Variants in RNGTT observed in about 807,000 individuals in gnomAD.
The protein encoded by RNGTT is mRNA-capping enzyme.
RNGTT carries 33 observed loss-of-function variants against 79.3 expected under a neutral mutation model. The ratio of observed to expected loss-of-function variants is 0.42; its 90% CI spans 0.32 to 0.56. RNGTT has a LOEUF of 0.56. Ranked by LOEUF, RNGTT falls within the 20% of genes least tolerant of loss-of-function variation. The pLI is 0.17. For missense variants in RNGTT, 497 were observed against 739.1 expected (o/e 0.67, Z 3.80); for synonymous variants, 222 against 235.9 (o/e 0.94, Z 0.54).
intron 2 of RNGTT, 32 bp downstream of exon 2, chr6:88,941,039 A>T: frequency 3.1e-6 from 4 of 1,311,458 alleles, no homozygotes; most frequent in Non-Finnish European, 4.4e-6. Context: ...AAGTATATTA[A>T]ATCAGTGACA....
At chr6:88,769,441 T>G (rs1029818341) in intron 13 of RNGTT, among the ~76,000 whole-genome samples, 1 of 152,268 alleles carries the variant, frequency 6.6e-6, no homozygotes, top group South Asian at 2.1e-4. Context: ...ATTACAGGCA[T>G]GAGCCACCAC....
chr6:88,955,382 C>A (rs1435156892), intron 1 of RNGTT, among the ~76,000 whole-genome samples: 1 of 151,856 alleles, frequency 6.6e-6, no homozygotes, highest in Non-Finnish European at 1.5e-5. Context: ...AATCCTGTCT[C>A]TACTAAAAAT....
chr6:88,663,238 T>C (rs1774256701), intron 14 of RNGTT, among the ~76,000 whole-genome samples: 3 of 152,108 alleles, frequency 2.0e-5, no homozygotes, highest in African/African-American at 7.2e-5. Context: ...GTTAAAGAAT[T>C]TCAAGAAAGG....
intron 13 of RNGTT, among the ~76,000 whole-genome samples, chr6:88,723,462 C>T (rs1461569065): frequency 3.3e-5 from 5 of 152,128 alleles, no homozygotes; most frequent in East Asian, 1.9e-4. Context: ...CTGTGCTGCC[C>T]GTTGCTACTT....
intron 14 of RNGTT, among the ~76,000 whole-genome samples, chr6:88,637,872 T>C (rs777191729): frequency 1.6e-4 from 25 of 152,234 alleles, no homozygotes; most frequent in South Asian, 4.1e-4. Context: ...CACAACTCCA[T>C]ACAATTCAAA....
intron 7 of RNGTT, 97 bp downstream of exon 7, chr6:88,891,709 T>C: frequency 7.3e-6 from 5 of 681,260 alleles, no homozygotes; most frequent in Non-Finnish European, 4.5e-6. Context: ...ATTGCAAACA[T>C]ACTAACTTCA....
intron 11 of RNGTT, among the ~76,000 whole-genome samples, chr6:88,838,670 G>A (rs1781162851): frequency 6.6e-6 from 1 of 152,230 alleles, no homozygotes; most frequent in East Asian, 1.9e-4. Context: ...GCATTGTTAT[G>A]ATGTTAGTTC....
intron 13 of RNGTT, among the ~76,000 whole-genome samples, chr6:88,758,870 T>G (rs1316556767): frequency 3.3e-5 from 5 of 151,578 alleles, no homozygotes; most frequent in Admixed American, 6.6e-5. Flanking sequence ...ATTTTTGCTG[T>G]ATTTTATTTA....
At chr6:88,665,659 C>T (rs1039516204) in intron 14 of RNGTT, among the ~76,000 whole-genome samples, 3 of 152,188 alleles carry the variant, frequency 2.0e-5, no homozygotes, top group Non-Finnish European at 2.9e-5. Flanking sequence ...TGGGAGGATC[C>T]GGGGTCAGGT....
At chr6:88,818,054 C>T (rs940088283) in intron 11 of RNGTT, among the ~76,000 whole-genome samples, 1 of 151,766 alleles carries the variant, frequency 6.6e-6, no homozygotes, top group Non-Finnish European at 1.5e-5. Flanking sequence ...CCACCGCGCC[C>T]GGCCTATTCA....
At chr6:88,826,610 C>T (rs1723037552) in intron 11 of RNGTT, among the ~76,000 whole-genome samples, 1 of 151,240 alleles carries the variant, frequency 6.6e-6, no homozygotes, top group Non-Finnish European at 1.5e-5. Flanking sequence ...ATGGAGAAAC[C>T]CCATCTCTAA....
chr6:88,772,724 C>T (rs2127844725), intron 12 of RNGTT, among the ~76,000 whole-genome samples: 1 of 152,198 alleles, frequency 6.6e-6, no homozygotes, highest in East Asian at 1.9e-4. Flanking sequence ...AAAAAATGCT[C>T]ACCATCACTG....
At chr6:88,745,837 T>C (rs981500991) in intron 13 of RNGTT, among the ~76,000 whole-genome samples, 4 of 152,122 alleles carry the variant, frequency 2.6e-5, no homozygotes, top group African/African-American at 4.8e-5. Context: ...CCCCCTTATA[T>C]ACTTCAAATA....
chr6:88,799,436 C>T (rs1012934847), intron 12 of RNGTT, among the ~76,000 whole-genome samples: 9 of 152,084 alleles, frequency 5.9e-5, no homozygotes, highest in Non-Finnish European at 1.2e-4. Context: ...CGGTGGCTCA[C>T]ACCTGTAATC....
At chr6:88,844,335 T>G in intron 11 of RNGTT, 22 bp downstream of exon 11, 2 of 1,600,688 alleles carry the variant, frequency 1.2e-6, no homozygotes, top group South Asian at 2.2e-5. Flanking sequence ...TAGCACTAAT[T>G]TAAAAAAAAA....
At chr6:88,802,389 T>C (rs1480075562) in intron 11 of RNGTT, among the ~76,000 whole-genome samples, 1 of 152,194 alleles carries the variant, frequency 6.6e-6, no homozygotes, top group African/African-American at 2.4e-5. Context: ...ATAGACCCCA[T>C]ACCCTCTAAT....
intron 11 of RNGTT, among the ~76,000 whole-genome samples, chr6:88,831,253 G>C (rs1780853828): frequency 1.3e-5 from 2 of 152,202 alleles, no homozygotes; most frequent in African/African-American, 4.8e-5. Flanking sequence ...GATCAAGTCG[G>C]ATTAGTCCCT....
chr6:88,918,570 GAT>G (rs2127949099), intron 4 of RNGTT, among the ~76,000 whole-genome samples: 1 of 152,080 alleles, frequency 6.6e-6, no homozygotes, highest in South Asian at 2.1e-4. Context: ...TAATAGAAAC[GAT>G]ATAAGTGAAA....
intron 12 of RNGTT, among the ~76,000 whole-genome samples, chr6:88,801,015 G>A (rs2127862556): frequency 6.6e-6 from 1 of 152,288 alleles, no homozygotes; most frequent in East Asian, 1.9e-4. Flanking sequence ...CTGCTATAGA[G>A]TAAAATACAA....
Sources: gnomAD v4.1 joint callset for allele counts (sites outside exome capture counted in the v4.1 genomes callset) on GRCh38, gnomAD v4.1.1 for gene constraint, MANE v1.5 for transcripts, NCBI Gene and HGNC (gene_info 2026-07-23, HGNC 2026-07-21) for gene names.